Variants in CAMK1G observed in about 807,000 individuals in gnomAD.
The protein encoded by CAMK1G is calcium/calmodulin-dependent protein kinase type 1G.
CAMK1G carries 27 observed loss-of-function variants against 54.8 expected under a neutral mutation model. The observed-to-expected ratio is 0.49, with a 90% CI of 0.36 to 0.68. The LOEUF (loss-of-function observed/expected upper bound fraction) is 0.68, where lower values mean the gene tolerates loss of function less well. CAMK1G is among the 30% of genes least tolerant of loss of function. The probability of loss-of-function intolerance (pLI) is 0.00; values close to 1 mark genes in which losing one functional copy is unlikely to be tolerated. For synonymous variants in CAMK1G, 238 were observed against 224.9 expected (o/e 1.06, Z -0.52); for missense variants, 512 against 591.0 (o/e 0.87, Z 1.39).
chr1:209,608,049 A>G (rs2102394184), intron 7 of CAMK1G, 116 bp downstream of exon 7: 1 of 725,142 alleles, frequency 1.4e-6, no homozygotes, highest in East Asian at 2.7e-5. Flanking sequence ...GCACAAACAG[A>G]CACAGGCACA....
intron 1 of CAMK1G, among the ~76,000 whole-genome samples, chr1:209,593,678 G>A (rs955698845): frequency 4.5e-5 from 5 of 111,372 alleles, no homozygotes; most frequent in Non-Finnish European, 1.1e-4. Context: ...TAGATAACTG[G>A]ACTCCCAGAA....
chr1:209,606,230 C>T (rs2102392741), intron 5 of CAMK1G, 90 bp from the exon 6 acceptor site: 2 of 1,532,116 alleles, frequency 1.3e-6, no homozygotes. Context: ...GAGCCCAGGG[C>T]TCATCTTCCT....
intron 2 of CAMK1G, among the ~76,000 whole-genome samples, chr1:209,596,055 T>C (rs1237215523): frequency 1.3e-5 from 2 of 152,216 alleles, no homozygotes; most frequent in African/African-American, 4.8e-5. Context: ...CCGGGTAAGC[T>C]TTCTCTGTCG....
intron 7 of CAMK1G, among the ~76,000 whole-genome samples, chr1:209,608,181 A>G (rs1352250763): frequency 6.6e-6 from 1 of 152,166 alleles, no homozygotes; most frequent in Non-Finnish European, 1.5e-5. Flanking sequence ...TCCACTGCAC[A>G]GCCACCTGGC....
intron 3 of CAMK1G, among the ~76,000 whole-genome samples, chr1:209,601,366 G>A (rs561761527): frequency 9.8e-5 from 15 of 152,350 alleles, no homozygotes; most frequent in African/African-American, 3.4e-4. Flanking sequence ...AAGAGACCCT[G>A]AGATTGAGCA....
At chr1:209,609,745 A>T in intron 8 of CAMK1G, 106 bp from the exon 9 acceptor site, 1 of 1,096,074 alleles carries the variant, frequency 9.1e-7, no homozygotes, top group Non-Finnish European at 1.4e-6. Context: ...CCTCTTTGGA[A>T]GATCAGCTAA....
At position 209,584,874 on chromosome 1, in the gene CAMK1G, A is replaced by T. The variant is rs141737008; in HGVS notation, c.-30+1102A>T. ...AGACCCACCTCTGAAACAGGCCGTA[A>T]CACAGAGTGCTTAGTAATACCTGAT... On this transcript the variant is annotated intron_variant, in intron 1 of 12. Coordinates refer to ENST00000361322, the MANE Select transcript of CAMK1G (RefSeq NM_020439.3). Among the ~76,000 whole-genome samples the T allele has an allele frequency of 1.4e-3, 207 of 152,330 alleles. 1 individual carries two copies. Among genetic ancestry groups the T allele is most frequent in the African/African-American group, 4.2e-3 (174 of 41,572 alleles).
rs117946635 is a variant in CAMK1G, at chr1:209,603,539, G to T, written c.296+251G>T. On this transcript the variant is annotated intron_variant, in intron 4 of 12. Transcript: ENST00000361322. ...TTTGCACCAGGACAACCCTATCAGT[G>T]GTTAGAATATTTCCTACCAGTCAGC... Among the ~76,000 whole-genome samples, 208 of 152,226 alleles carry T rather than the reference G, an allele frequency of 1.4e-3. 1 individual carries two copies. In the East Asian group the frequency reaches 0.037, roughly 27 times the overall value.
intron 1 of CAMK1G, among the ~76,000 whole-genome samples, chr1:209,591,884 GTCTCT>G (rs1665259375): frequency 1.3e-5 from 2 of 152,198 alleles, no homozygotes; most frequent in South Asian, 4.1e-4. Flanking sequence ...GGTCATCACC[GTCTCT>G]TCTCACCAAC....
chr1:209,611,389 TGCAG>T (rs1490234972), intron 9 of CAMK1G, 72 bp from the exon 10 acceptor site: 2 of 1,370,406 alleles, frequency 1.5e-6, no homozygotes, highest in Non-Finnish European at 2.1e-6. Context: ...CACCTAGACC[TGCAG>T]GCACCCTGCC....
At chr1:209,590,975 G>T (rs1049833831) in intron 1 of CAMK1G, among the ~76,000 whole-genome samples, 1 of 151,798 alleles carries the variant, frequency 6.6e-6, no homozygotes, top group Non-Finnish European at 1.5e-5. Context: ...TTTGCAGCCT[G>T]TAAAGCGAGT....
At chr1:209,598,959 G>C (rs372306876) in intron 2 of CAMK1G, among the ~76,000 whole-genome samples, 50 of 152,198 alleles carry the variant, frequency 3.3e-4, no homozygotes, top group African/African-American at 1.1e-3. Flanking sequence ...AGAACAGCTT[G>C]AGACTGGGCA....
intron 2 of CAMK1G, among the ~76,000 whole-genome samples, chr1:209,599,665 T>C (rs944582251): frequency 2.0e-5 from 3 of 152,242 alleles, no homozygotes; most frequent in Non-Finnish European, 4.4e-5. Context: ...ACTCCAGTTT[T>C]ATCAATTGAC....
intron 2 of CAMK1G, among the ~76,000 whole-genome samples, chr1:209,597,917 T>C (rs573859663): frequency 2.6e-5 from 4 of 152,340 alleles, no homozygotes; most frequent in East Asian, 3.9e-4. Context: ...CTAACACTTA[T>C]GGTCTTAATA....
intron 2 of CAMK1G, among the ~76,000 whole-genome samples, chr1:209,598,202 C>A (rs1013665421): frequency 6.6e-6 from 1 of 152,194 alleles, no homozygotes; most frequent in Non-Finnish European, 1.5e-5. Context: ...GCCCTGTATT[C>A]CCATTGGTTC....
At chr1:209,586,890 A>G (rs1353234058) in intron 1 of CAMK1G, among the ~76,000 whole-genome samples, 1 of 152,190 alleles carries the variant, frequency 6.6e-6, no homozygotes, top group Non-Finnish European at 1.5e-5. Flanking sequence ...AGAAGCACAC[A>G]GTAAACCATA....
At chr1:209,584,595 C>T (rs1665047292) in intron 1 of CAMK1G, among the ~76,000 whole-genome samples, 1 of 152,182 alleles carries the variant, frequency 6.6e-6, no homozygotes, top group Admixed American at 6.5e-5. Context: ...GTAACTTTGA[C>T]GCACAAACAT....
intron 5 of CAMK1G, among the ~76,000 whole-genome samples, chr1:209,606,011 T>C (rs1665640917): frequency 6.6e-6 from 1 of 152,134 alleles, no homozygotes; most frequent in Non-Finnish European, 1.5e-5. Flanking sequence ...TCTGGAGAGA[T>C]CAGACACCAT....
At chr1:209,609,725 C>T (rs1212246202) in intron 8 of CAMK1G, 126 bp from the exon 9 acceptor site, 3 of 908,494 alleles carry the variant, frequency 3.3e-6, no homozygotes, top group South Asian at 1.5e-5. Flanking sequence ...TTCTAAGACT[C>T]TTAAAATTGC....
Sources: gnomAD v4.1 joint callset for allele counts (sites outside exome capture counted in the v4.1 genomes callset) on GRCh38, gnomAD v4.1.1 for gene constraint, MANE v1.5 for transcripts, NCBI Gene and HGNC (gene_info 2026-07-23, HGNC 2026-07-21) for gene names.